SLC8A1: variants seen among roughly 807,000 people sequenced by gnomAD.
SLC8A1 encodes sodium/calcium exchanger 1.
In SLC8A1, 18 loss-of-function variants were observed where a neutral mutation model predicts 68.3. The ratio of observed to expected loss-of-function variants is 0.26; its 90% CI spans 0.18 to 0.39. SLC8A1 has a LOEUF of 0.39. SLC8A1 is among the 10% of genes least tolerant of loss of function. SLC8A1 has a pLI of 1.00. For synonymous variants in SLC8A1, 475 were observed against 415.5 expected (o/e 1.14, Z -1.74); for missense variants, 985 against 1,156.7 (o/e 0.85, Z 2.15).
At chr2:40,176,695 A>G (rs71439276) in intron 3 of SLC8A1, among the ~76,000 whole-genome samples, 1,714 of 152,320 alleles carry the variant, frequency 0.011, 8 homozygotes, top group African/African-American at 0.019. Context: ...ATGTGTCTAC[A>G]TAGCAATTAG....
chr2:40,117,310 C>T (rs144252513), intron 7 of SLC8A1, among the ~76,000 whole-genome samples: 79 of 145,628 alleles, frequency 5.4e-4, no homozygotes, highest in African/African-American at 1.8e-3. Context: ...TTTGGGAGGC[C>T]GAGATGGGCG....
intron 2 of SLC8A1, among the ~76,000 whole-genome samples, chr2:40,358,484 A>G (rs1411006880): frequency 6.6e-6 from 1 of 152,232 alleles, no homozygotes; most frequent in African/African-American, 2.4e-5. Flanking sequence ...TCATTGAAGC[A>G]TCAAGGAAAG....
chr2:40,283,723 C>A (rs537650576), intron 2 of SLC8A1, among the ~76,000 whole-genome samples: 79 of 152,296 alleles, frequency 5.2e-4, no homozygotes, highest in African/African-American at 1.8e-3. Flanking sequence ...CTGCCAAAAG[C>A]AAAACAACTC....
At chr2:40,402,863 C>G (rs759224536) in intron 2 of SLC8A1, among the ~76,000 whole-genome samples, 2 of 152,210 alleles carry the variant, frequency 1.3e-5, no homozygotes, top group Non-Finnish European at 2.9e-5. Context: ...GCTCAGTAAA[C>G]TGTCTCTCTC....
At chr2:40,466,931 T>C (rs1703707886) in intron 1 of SLC8A1, among the ~76,000 whole-genome samples, 1 of 150,486 alleles carries the variant, frequency 6.6e-6, no homozygotes, top group Admixed American at 6.7e-5. Context: ...TGCCCAGATA[T>C]TGAGATTAGT....
intron 2 of SLC8A1, among the ~76,000 whole-genome samples, chr2:40,342,334 T>A (rs547742210): frequency 6.6e-6 from 1 of 152,190 alleles, no homozygotes; most frequent in South Asian, 2.1e-4. Flanking sequence ...AATAAATGAA[T>A]AAGCTATTTG....
chr2:40,262,322 G>A (rs2064823180), intron 2 of SLC8A1, among the ~76,000 whole-genome samples: 2 of 152,196 alleles, frequency 1.3e-5, no homozygotes, highest in South Asian at 2.1e-4. Flanking sequence ...AAGAAACAAT[G>A]AGTAAGTAGT....
At chr2:40,435,225 T>C (rs1249224041) in intron 1 of SLC8A1, among the ~76,000 whole-genome samples, 2 of 152,192 alleles carry the variant, frequency 1.3e-5, no homozygotes, top group Non-Finnish European at 2.9e-5. Flanking sequence ...GCAATTAATC[T>C]GTTTCTAAGG....
At chr2:40,427,535 C>T (rs561893101) in intron 2 of SLC8A1, among the ~76,000 whole-genome samples, 1 of 151,798 alleles carries the variant, frequency 6.6e-6, no homozygotes, top group African/African-American at 2.4e-5. Context: ...AGAAATTGTT[C>T]ATAGAGTCAA....
At chr2:40,410,504 A>G (rs1206054021) in intron 2 of SLC8A1, among the ~76,000 whole-genome samples, 3 of 152,094 alleles carry the variant, frequency 2.0e-5, no homozygotes, top group Non-Finnish European at 4.4e-5. Flanking sequence ...ATTTCCGGGG[A>G]AAAACAAAAT....
chr2:40,357,810 C>A (rs1275186466), intron 2 of SLC8A1, among the ~76,000 whole-genome samples: 7 of 152,106 alleles, frequency 4.6e-5, no homozygotes, highest in Non-Finnish European at 1.0e-4. Context: ...TAGTGCACAT[C>A]ATCCTCTTTA....
intron 1 of SLC8A1, among the ~76,000 whole-genome samples, chr2:40,477,028 A>T (rs1704334706): frequency 6.6e-6 from 1 of 152,206 alleles, no homozygotes; most frequent in Admixed American, 6.5e-5. Flanking sequence ...TGGAAAATAC[A>T]GGAATTATTG....
intron 6 of SLC8A1, among the ~76,000 whole-genome samples, chr2:40,150,492 C>G (rs435923): frequency 2.0e-4 from 30 of 152,118 alleles, no homozygotes; most frequent in African/African-American, 7.0e-4. Context: ...TGCCTCACAC[C>G]TTGATTTGCA....
chr2:40,213,675 C>G (rs866688749), intron 2 of SLC8A1, among the ~76,000 whole-genome samples: 1 of 152,284 alleles, frequency 6.6e-6, no homozygotes, highest in Middle Eastern at 3.4e-3. Context: ...CCCGTCATCT[C>G]AAATATTTTT....
At chr2:40,097,535 A>T (rs2033643514) in exon 8 of SLC8A1, 1 of 152,040 alleles carries the variant, frequency 6.6e-6, no homozygotes, top group Non-Finnish European at 1.5e-5. Flanking sequence ...TTTTGATAAG[A>T]CATTTCAAAT....
intron 7 of SLC8A1, among the ~76,000 whole-genome samples, chr2:40,138,510 C>T (rs555804758): frequency 6.6e-6 from 1 of 152,266 alleles, no homozygotes; most frequent in Non-Finnish European, 1.5e-5. Context: ...GGCTATATAT[C>T]TGTCAAGATG....
chr2:40,187,827 G>C (rs994454969), intron 2 of SLC8A1, among the ~76,000 whole-genome samples: 3 of 152,158 alleles, frequency 2.0e-5, no homozygotes, highest in African/African-American at 7.2e-5. Context: ...TATTATGGTA[G>C]GTTTCAGAGA....
exon 8 of SLC8A1, chr2:40,113,300 G>A (rs1427629253): frequency 6.5e-6 from 1 of 152,720 alleles, no homozygotes; most frequent in African/African-American, 2.4e-5. Flanking sequence ...AATGTCTCCA[G>A]CCTGGGATTC....
At chr2:40,238,585 G>C (rs915371652) in intron 2 of SLC8A1, among the ~76,000 whole-genome samples, 4 of 152,244 alleles carry the variant, frequency 2.6e-5, no homozygotes, top group Non-Finnish European at 5.9e-5. Flanking sequence ...CACGCTGGGA[G>C]CTGTAGACCG....
Sources: gnomAD v4.1 joint callset for allele counts (sites outside exome capture counted in the v4.1 genomes callset) on GRCh38, gnomAD v4.1.1 for gene constraint, MANE v1.5 for transcripts, NCBI Gene and HGNC (gene_info 2026-07-23, HGNC 2026-07-21) for gene names.